The following PRKCA variants were observed in gnomAD, a reference collection of about 807,000 sequenced individuals.
PRKCA encodes the protein protein kinase C alpha type.
Under a neutral mutation model 87.0 loss-of-function variants are expected in PRKCA, and 27 were observed. The observed-to-expected ratio is 0.31, with a 90% CI of 0.23 to 0.43. The LOEUF (loss-of-function observed/expected upper bound fraction) is 0.43, where lower values mean the gene tolerates loss of function less well. Among genes scored for constraint, PRKCA ranks in the 20% least tolerant of loss-of-function variants. PRKCA has a pLI of 1.00. For synonymous variants in PRKCA, 329 were observed against 311.1 expected, an observed-to-expected ratio of 1.06 and a Z score of -0.61; for missense variants, 518 against 852.3, an observed-to-expected ratio of 0.61 and a Z score of 4.88.
chr17:66,317,936 A>G (rs1224404181), intron 2 of PRKCA, among the ~76,000 whole-genome samples: 1 of 152,254 alleles, frequency 6.6e-6, no homozygotes, highest in African/African-American at 2.4e-5. Context: ...TTTACAATGT[A>G]GAAAATAGCT....
chr17:66,620,453 C>T (rs960629475), intron 3 of PRKCA, among the ~76,000 whole-genome samples: 5 of 152,168 alleles, frequency 3.3e-5, no homozygotes, highest in Admixed American at 1.3e-4. Context: ...CTAGAAGTGT[C>T]TAGGAGACTT....
chr17:66,758,482 C>T (rs186275508), intron 13 of PRKCA, among the ~76,000 whole-genome samples: 1 of 152,348 alleles, frequency 6.6e-6, no homozygotes, highest in Non-Finnish European at 1.5e-5. Flanking sequence ...CCCAGTTTCT[C>T]ATCTGCACTG....
chr17:66,609,533 A>G (rs1970294550), intron 3 of PRKCA, among the ~76,000 whole-genome samples: 1 of 152,186 alleles, frequency 6.6e-6, no homozygotes, highest in African/African-American at 2.4e-5. Context: ...GCTCTTTACC[A>G]CAGTGTATAG....
At chr17:66,749,236 AC>A (rs1466291669) in intron 13 of PRKCA, among the ~76,000 whole-genome samples, 4 of 151,650 alleles carry the variant, frequency 2.6e-5, no homozygotes, top group Non-Finnish European at 5.9e-5. Context: ...GGGCCCCAAG[AC>A]CCTTTAGCAC....
chr17:66,455,229 G>A (rs932908430), intron 2 of PRKCA, among the ~76,000 whole-genome samples: 11 of 152,140 alleles, frequency 7.2e-5, no homozygotes, highest in South Asian at 4.1e-4. Context: ...ATACATGACC[G>A]AATTTGGAGC....
At chr17:66,724,279 G>A (rs987899855) in intron 8 of PRKCA, among the ~76,000 whole-genome samples, 8 of 147,060 alleles carry the variant, frequency 5.4e-5, no homozygotes, top group Non-Finnish European at 1.0e-4. Flanking sequence ...CTGGGCGACA[G>A]AGCGAGACTC....
intron 2 of PRKCA, among the ~76,000 whole-genome samples, chr17:66,436,250 A>G (rs998471916): frequency 6.6e-6 from 1 of 152,160 alleles, no homozygotes; most frequent in Non-Finnish European, 1.5e-5. Context: ...AGCAGGGGGA[A>G]GTCTTAGCAC....
chr17:66,408,794 C>T (rs1911574051), intron 2 of PRKCA, among the ~76,000 whole-genome samples: 1 of 151,924 alleles, frequency 6.6e-6, no homozygotes, highest in Admixed American at 6.6e-5. Context: ...TGGCTTGCAC[C>T]TGTAATCCCA....
At chr17:66,553,173 G>A (rs1284467709) in intron 3 of PRKCA, among the ~76,000 whole-genome samples, 1 of 151,950 alleles carries the variant, frequency 6.6e-6, no homozygotes, top group Non-Finnish European at 1.5e-5. Flanking sequence ...GTAGAGGTGG[G>A]GTTTTGCCGT....
intron 3 of PRKCA, among the ~76,000 whole-genome samples, chr17:66,581,078 T>C (rs1163020539): frequency 6.6e-6 from 1 of 152,274 alleles, no homozygotes; most frequent in Non-Finnish European, 1.5e-5. Flanking sequence ...GATTCAGCAG[T>C]AATTAAAATG....
chr17:66,589,107 A>G (rs926677732), intron 3 of PRKCA, among the ~76,000 whole-genome samples: 7 of 152,142 alleles, frequency 4.6e-5, no homozygotes, highest in Admixed American at 1.3e-4. Flanking sequence ...CTTCCAGGTC[A>G]TGGGATCTTA....
intron 5 of PRKCA, among the ~76,000 whole-genome samples, chr17:66,669,720 G>C (rs1972126343): frequency 6.6e-6 from 1 of 152,112 alleles, no homozygotes; most frequent in Non-Finnish European, 1.5e-5. Flanking sequence ...GGGCAACATG[G>C]TGAAACCCCG....
intron 3 of PRKCA, chr17:66,638,386 G>A (rs1445126690): frequency 6.6e-6 from 1 of 151,940 alleles, no homozygotes; most frequent in Non-Finnish European, 1.5e-5. Flanking sequence ...AAAATCTGAG[G>A]TCTGATGTTC....
chr17:66,758,928 C>T (rs1974617201), intron 13 of PRKCA, among the ~76,000 whole-genome samples: 1 of 151,950 alleles, frequency 6.6e-6, no homozygotes, highest in Admixed American at 6.6e-5. Context: ...ATAACATATT[C>T]TAGTGTGTGT....
chr17:66,536,816 C>T (rs1162336893), intron 3 of PRKCA, among the ~76,000 whole-genome samples: 4 of 152,212 alleles, frequency 2.6e-5, no homozygotes, highest in African/African-American at 9.7e-5. Context: ...CAGACTTAGC[C>T]ACCTGTCCTT....
chr17:66,579,952 GTCAC>G (rs1969367805), intron 3 of PRKCA, among the ~76,000 whole-genome samples: 1 of 152,226 alleles, frequency 6.6e-6, no homozygotes, highest in African/African-American at 2.4e-5. Context: ...TGGTGCAGGT[GTCAC>G]TCTCTCTCCT....
chr17:66,428,177 G>T (rs765031618), intron 2 of PRKCA, among the ~76,000 whole-genome samples: 1 of 152,170 alleles, frequency 6.6e-6, no homozygotes, highest in South Asian at 2.1e-4. Flanking sequence ...TTGCATGAAG[G>T]TTGTAGGCAC....
At position 66,633,813 on chromosome 17, in the gene PRKCA, T is replaced by C. The variant is rs139853781; in HGVS notation, c.289-7542T>C. 5.4e-3 allele frequency among the ~76,000 whole-genome samples: 830 copies of C among 152,308 alleles called. 12 individuals carry two copies. Among genetic ancestry groups the C allele is most frequent in the African/African-American group, 0.017 (718 of 41,566 alleles). ...TGAACATCCCCATCAAAAAACATCA[T>C]TGGTTGCCTGCCTCCTGGTGTGAAG... On this transcript the variant is annotated intron_variant, in intron 3 of 16. Transcript: ENST00000413366.
At chr17:66,416,701 C>A (rs1912173990) in intron 2 of PRKCA, 1 of 152,164 alleles carries the variant, frequency 6.6e-6, no homozygotes, top group African/African-American at 2.4e-5. Context: ...AAAGGAGGTG[C>A]TGGGATTTGA....
Sources: allele counts gnomAD v4.1 joint callset (sites outside exome capture counted in the v4.1 genomes callset), GRCh38; gene constraint gnomAD v4.1.1; transcripts MANE v1.5; gene names NCBI Gene and HGNC (gene_info 2026-07-23, HGNC 2026-07-21).